The following CIMIP7 variants were observed in gnomAD, a reference collection of about 807,000 sequenced individuals.
The protein encoded by CIMIP7 is uncharacterized protein C3orf84.
the CIMIP7 span, chr3:49,190,103 T>G: frequency 6.2e-7 from 1 of 1,609,068 alleles, no homozygotes; most frequent in Non-Finnish European, 8.5e-7. Flanking sequence ...CACTCTTGAA[T>G]TGGCTTCTGT....
chr3:49,183,038 C>T, the CIMIP7 span, among the ~76,000 whole-genome samples: 24 of 152,184 alleles, frequency 1.6e-4, no homozygotes, highest in Non-Finnish European at 1.0e-4. Context: ...CGTCTCGGGC[C>T]TCGGCAAGCC....
chr3:49,184,355 C>T, the CIMIP7 span, among the ~76,000 whole-genome samples: 26 of 152,266 alleles, frequency 1.7e-4, no homozygotes, highest in South Asian at 2.7e-3. Flanking sequence ...CAGAGTCTCA[C>T]GTGTAGCACA....
chr3:49,182,036 G>C, the CIMIP7 span, among the ~76,000 whole-genome samples: 1 of 152,042 alleles, frequency 6.6e-6, no homozygotes, highest in African/African-American at 2.4e-5. Flanking sequence ...GGAGTTGTTC[G>C]TTCCTCCGGG....
At chr3:49,190,037 C>G in the CIMIP7 span, 1 of 1,613,762 alleles carries the variant, frequency 6.2e-7, no homozygotes, top group Non-Finnish European at 8.5e-7. Flanking sequence ...GACATCGCTG[C>G]AGGAACACTG....
At chr3:49,177,634 T>C in the CIMIP7 span, 1 of 1,567,838 alleles carries the variant, frequency 6.4e-7, no homozygotes, top group Admixed American at 1.8e-5. Context: ...CAGGCTGCTG[T>C]GTCAGCTGTC....
chr3:49,184,855 C>T, the CIMIP7 span, among the ~76,000 whole-genome samples: 1 of 151,708 alleles, frequency 6.6e-6, no homozygotes, highest in Non-Finnish European at 1.5e-5. Flanking sequence ...GTCTTAAACT[C>T]CTGGCCTTAA....
chr3:49,178,150 G>T, the CIMIP7 span: 119,855 of 1,182,890 alleles, frequency 0.1, 6,626 homozygotes, highest in African/African-American at 0.13. Flanking sequence ...CCTGTCCTAT[G>T]CCTGGCTGTC....
chr3:49,189,761 C>T, the CIMIP7 span: 6 of 587,724 alleles, frequency 1.0e-5, no homozygotes, highest in South Asian at 6.1e-5. Context: ...TCTAGAGGCT[C>T]TTTGCCTGTA....
the CIMIP7 span, among the ~76,000 whole-genome samples, chr3:49,190,569 C>G: frequency 6.6e-6 from 1 of 151,294 alleles, no homozygotes; most frequent in African/African-American, 2.4e-5. Flanking sequence ...AACCTCAGCT[C>G]ACTGCAACCT....
At chr3:49,177,642 G>C in the CIMIP7 span, 3 of 1,577,996 alleles carry the variant, frequency 1.9e-6, no homozygotes, top group Admixed American at 5.2e-5. Context: ...TGTGTCAGCT[G>C]TCCTTGTTTA....
the CIMIP7 span, among the ~76,000 whole-genome samples, chr3:49,182,812 C>T: frequency 7.2e-5 from 11 of 152,144 alleles, no homozygotes; most frequent in Non-Finnish European, 1.0e-4. Context: ...CCCTGCCCCG[C>T]GGGAAGGCAG....
At chr3:49,189,846 C>T in the CIMIP7 span, 1 of 745,784 alleles carries the variant, frequency 1.3e-6, no homozygotes, top group Non-Finnish European at 2.5e-6. Flanking sequence ...CAGTTTGGCA[C>T]TCACTCTTTT....
the CIMIP7 span, chr3:49,178,571 G>A: frequency 3.1e-6 from 5 of 1,591,348 alleles, no homozygotes; most frequent in African/African-American, 4.0e-5. Flanking sequence ...GGTGAATGGG[G>A]AAAATGATGC....
the CIMIP7 span, among the ~76,000 whole-genome samples, chr3:49,179,650 T>C: frequency 2.0e-5 from 3 of 152,274 alleles, no homozygotes; most frequent in South Asian, 6.2e-4. Flanking sequence ...AATAGTTCCA[T>C]CACCCTAACC....
At chr3:49,182,948 C>T in the CIMIP7 span, among the ~76,000 whole-genome samples, 50 of 152,326 alleles carry the variant, frequency 3.3e-4, no homozygotes, top group African/African-American at 1.0e-3. Context: ...CCGGAACTCA[C>T]GCTGGCCGGC....
At chr3:49,184,858 G>A in the CIMIP7 span, among the ~76,000 whole-genome samples, 2 of 151,212 alleles carry the variant, frequency 1.3e-5, no homozygotes, top group African/African-American at 4.9e-5. Flanking sequence ...TTAAACTCCT[G>A]GCCTTAAGCA....
the CIMIP7 span, chr3:49,177,879 G>A: frequency 1.2e-6 from 2 of 1,613,858 alleles, no homozygotes; most frequent in Non-Finnish European, 1.7e-6. Context: ...TGAGGTGCTG[G>A]GGGAGGCCAC....
At chr3:49,183,803 A>G in the CIMIP7 span, among the ~76,000 whole-genome samples, 2 of 152,264 alleles carry the variant, frequency 1.3e-5, no homozygotes, top group African/African-American at 4.8e-5. Flanking sequence ...TATTTGTATG[A>G]GCCAAAAACT....
At chr3:49,179,432 T>C in the CIMIP7 span, among the ~76,000 whole-genome samples, 2 of 152,124 alleles carry the variant, frequency 1.3e-5, no homozygotes, top group Non-Finnish European at 2.9e-5. Flanking sequence ...CCACAACAGT[T>C]CCTCCTATTT....
Sources: allele counts gnomAD v4.1 joint callset (sites outside exome capture counted in the v4.1 genomes callset), GRCh38; gene constraint gnomAD v4.1.1; transcripts MANE v1.5; gene names NCBI Gene and HGNC (gene_info 2026-07-23, HGNC 2026-07-21).